SLC35F3: variants seen among roughly 807,000 people sequenced by gnomAD.
The protein encoded by SLC35F3 is putative thiamine transporter SLC35F3.
SLC35F3 carries 25 observed loss-of-function variants against 49.9 expected under a neutral mutation model. The observed-to-expected ratio is 0.50, with a 90% CI of 0.37 to 0.70. The LOEUF is 0.70. Among genes scored for constraint, SLC35F3 ranks in the 30% least tolerant of loss-of-function variants. The pLI is 0.00. For missense variants in SLC35F3, 525 were observed against 639.8 expected (o/e 0.82, Z 1.94); for synonymous variants, 275 against 265.4 (o/e 1.04, Z -0.35).
chr1:234,151,941 G>A (rs1325107712), intron 2 of SLC35F3, among the ~76,000 whole-genome samples: 3 of 151,920 alleles, frequency 2.0e-5, no homozygotes, highest in Non-Finnish European at 2.9e-5. Context: ...TCTGTTTGCC[G>A]TATGGTTGAT....
chr1:234,234,914 A>G (rs571394614), intron 3 of SLC35F3, among the ~76,000 whole-genome samples: 1 of 152,316 alleles, frequency 6.6e-6, no homozygotes, highest in East Asian at 1.9e-4. Context: ...CGCGAGGAAC[A>G]AGTACTGTGT....
chr1:234,051,642 G>T (rs920737518), intron 2 of SLC35F3, among the ~76,000 whole-genome samples: 2 of 152,092 alleles, frequency 1.3e-5, no homozygotes, highest in African/African-American at 4.8e-5. Context: ...TCTTTCTCCT[G>T]CCTGATTACC....
chr1:233,980,201 T>A (rs1663158656), intron 2 of SLC35F3, among the ~76,000 whole-genome samples: 2 of 152,262 alleles, frequency 1.3e-5, no homozygotes, highest in South Asian at 4.2e-4. Context: ...TGAGAAGAAA[T>A]TACAGATTCT....
chr1:234,022,327 T>A (rs1663908539), intron 2 of SLC35F3, among the ~76,000 whole-genome samples: 1 of 152,160 alleles, frequency 6.6e-6, no homozygotes, highest in Non-Finnish European at 1.5e-5. Flanking sequence ...TAAATTTACT[T>A]TAAGGAACTG....
At chr1:234,258,260 T>C (rs1407768183) in intron 3 of SLC35F3, among the ~76,000 whole-genome samples, 1 of 152,184 alleles carries the variant, frequency 6.6e-6, no homozygotes, top group African/African-American at 2.4e-5. Flanking sequence ...ACTGAGTCAG[T>C]TCCTGGGCGG....
At chr1:233,930,024 C>T (rs1226968170) in intron 2 of SLC35F3, among the ~76,000 whole-genome samples, 1 of 152,048 alleles carries the variant, frequency 6.6e-6, no homozygotes, top group Non-Finnish European at 1.5e-5. Flanking sequence ...TGGTTCACGA[C>T]TCTAGTCCCA....
intron 2 of SLC35F3, among the ~76,000 whole-genome samples, chr1:233,993,895 C>T (rs1572012233): frequency 6.6e-6 from 1 of 152,174 alleles, no homozygotes; most frequent in East Asian, 1.9e-4. Context: ...CTCAGCTGCC[C>T]AACCTGCCGC....
intron 2 of SLC35F3, among the ~76,000 whole-genome samples, chr1:234,111,417 G>A (rs1665404063): frequency 6.6e-6 from 1 of 152,160 alleles, no homozygotes; most frequent in Non-Finnish European, 1.5e-5. Flanking sequence ...TCAGCCTCCT[G>A]AGTAGCTGGG....
Position 234,323,214 on chromosome 1 carries a change from A to G in SLC35F3, c.1444A>G (p.Arg482Gly). ...GAGCTCAGGACCTCAGAGCAAGAAC[A>G]GAAGAGCCCGCCCTTCCTTCGCCCG... The part of the protein sequence containing the change: ...DLSSGPQSKN[R>G]RARPSFAR Residue 482 changes from arginine (R) to glycine (G), a missense_variant, in exon 8 of 8, where the codon AGA (arginine) becomes GGA (glycine). By Grantham distance (125) the Arg-to-Gly change is moderately radical. Around this residue, in one of 4 missense-constraint regions of SLC35F3, gnomAD observed 76 missense variants for 95.6 expected, o/e 0.80. Coordinates refer to ENST00000366618, the MANE Select transcript of SLC35F3 (RefSeq NM_173508.4). This position sits in a 1 kb window ranked among gnomAD's most constrained non-coding sequence, Gnocchi z 4.5. 1 of 1,614,078 alleles carries G rather than the reference A, an allele frequency of 6.2e-7. No individual in the cohort carries two copies. Among genetic ancestry groups the G allele is most frequent in the South Asian group, 1.1e-5 (1 of 91,070 alleles).
intron 2 of SLC35F3, among the ~76,000 whole-genome samples, chr1:233,925,503 C>T (rs1662142404): frequency 6.6e-6 from 1 of 152,086 alleles, no homozygotes; most frequent in Non-Finnish European, 1.5e-5. Flanking sequence ...CTTCCTCCAT[C>T]CCTTTATTTT....
chr1:234,045,020 T>C (rs1459953906), intron 2 of SLC35F3, among the ~76,000 whole-genome samples: 9 of 152,200 alleles, frequency 5.9e-5, no homozygotes, highest in Admixed American at 5.9e-4. Context: ...ATGAGGAACC[T>C]TGAGTAAGTC....
intron 2 of SLC35F3, among the ~76,000 whole-genome samples, chr1:234,108,222 A>AGATATATATATTTATATATATAAAT (rs1665314892): frequency 7.7e-6 from 1 of 129,624 alleles, no homozygotes; most frequent in Admixed American, 9.1e-5. Flanking sequence ...TATATATAAA[A>AGATATATATATTTATATATATAAAT]GATATATATA....
At chr1:234,268,047 C>T (rs923385237) in intron 3 of SLC35F3, among the ~76,000 whole-genome samples, 6 of 151,426 alleles carry the variant, frequency 4.0e-5, no homozygotes, top group South Asian at 2.1e-4. Context: ...ACTTCCCAGA[C>T]GGGGTGGCGG....
At chr1:234,169,323 C>T (rs1160280911) in intron 2 of SLC35F3, among the ~76,000 whole-genome samples, 1 of 152,168 alleles carries the variant, frequency 6.6e-6, no homozygotes, top group Non-Finnish European at 1.5e-5. Context: ...CATCCCTTAG[C>T]CCAGTCAAGC....
chr1:234,064,565 G>A (rs115275821), intron 2 of SLC35F3, among the ~76,000 whole-genome samples: 2,404 of 152,234 alleles, frequency 0.016, 76 homozygotes, highest in African/African-American at 0.055. Context: ...CCAGGGTCCT[G>A]TGGCTCACCC....
chr1:234,220,226 T>C, intron 2 of SLC35F3, among the ~76,000 whole-genome samples: 1 of 151,990 alleles, frequency 6.6e-6, no homozygotes, highest in East Asian at 1.9e-4. Context: ...TAGAATAGAA[T>C]AAAAACTGCC....
intron 3 of SLC35F3, among the ~76,000 whole-genome samples, chr1:234,278,606 G>A (rs1223540948): frequency 6.6e-6 from 1 of 152,148 alleles, no homozygotes; most frequent in East Asian, 1.9e-4. Flanking sequence ...GTCCTTTCAG[G>A]TTGCTGTAAC....
intron 2 of SLC35F3, among the ~76,000 whole-genome samples, chr1:233,982,677 T>C (rs1663204850): frequency 6.6e-6 from 1 of 152,216 alleles, no homozygotes; most frequent in South Asian, 2.1e-4. Flanking sequence ...ATATGATTCT[T>C]TTGTCAGATA....
At chr1:233,948,190 GGAGAGAGAGAGAGGGA>G (rs1558186351) in intron 2 of SLC35F3, among the ~76,000 whole-genome samples, 1 of 94,994 alleles carries the variant, frequency 1.1e-5, no homozygotes, top group Non-Finnish European at 2.7e-5. Flanking sequence ...AAGAGGGAGG[GGAGAGAGAGAGAGGGA>G]GAGAGGGAGA....
Sources: allele counts gnomAD v4.1 joint callset (sites outside exome capture counted in the v4.1 genomes callset), GRCh38; gene constraint gnomAD v4.1.1; regional missense constraint gnomAD v4.1.1; non-coding constraint Gnocchi (gnomAD v3.1); transcripts MANE v1.5; gene names NCBI Gene and HGNC (gene_info 2026-07-23, HGNC 2026-07-21).